The following EML3 variants were observed in gnomAD, a reference collection of about 807,000 sequenced individuals.
EML3 encodes the protein echinoderm microtubule-associated protein-like 3.
A neutral mutation model predicts 106.7 loss-of-function variants in EML3; 53 were observed. The observed-to-expected ratio is 0.50, with a 90% confidence interval of 0.40 to 0.62. The LOEUF (loss-of-function observed/expected upper bound fraction) is 0.62. EML3 is among the 20% of genes least tolerant of loss of function. EML3 has a pLI of 0.00. For synonymous variants in EML3, 499 were observed against 489.6 expected (o/e 1.02, Z -0.25); for missense variants, 994 against 1,209.1 (o/e 0.82, Z 2.64).
In EML3 at chr11:62,611,433, C is replaced by T. The variant is rs772728195; in HGVS notation, c.186G>A (p.Pro62=). ...SLQGSGTPAP[P]GDSLAAPPGL... is the part of the protein sequence containing the mutation. ...TGTGATGACATGCATACCTGTCCCC[C>T]GGAGGAGCTGGTGTGCCAGAGCCCT... The change falls in exon 2 of 22, where the codon CCG becomes CCA. Residue 62 remains proline (P), a synonymous_variant. Coordinates refer to ENST00000394773, the MANE Select transcript of EML3 (RefSeq NM_153265.3). 6.8e-6 allele frequency: 11 copies of T among 1,613,688 alleles called. No individual in the cohort carries two copies. The Admixed American group carries it at 8.3e-5, about 12-fold the overall frequency.
intron 19 of EML3, 60 bp downstream of exon 19, chr11:62,603,669 C>A (rs960452612): frequency 7.0e-7 from 1 of 1,426,660 alleles, no homozygotes; most frequent in Admixed American, 1.7e-5. Flanking sequence ...CTAACAGCCC[C>A]CCCTACACAA....
In EML3 at chr11:62,602,529, G is replaced by A. The variant is rs1284355021; in HGVS notation, c.2637C>T (p.Pro879=). The change falls in exon 22 of 22, where the codon CCC becomes CCT. Residue 879 remains proline, a synonymous_variant. Transcript: ENST00000394773. ...VLGAGGAGPA[P]ATPSRTPSLS... Reference sequence around the variant, plus strand: ...GGGAGGGGGTTCGAGAGGGCGTGGCGGGCGCCGGCCCCGCGCCCCCAGCGC... The same window carrying A: ...GGGAGGGGGTTCGAGAGGGCGTGGCAGGCGCCGGCCCCGCGCCCCCAGCGC... The A allele has an allele frequency of 2.0e-6, 3 of 1,494,052 alleles. No individual in the cohort carries two copies. Among genetic ancestry groups the A allele is most frequent in the South Asian group, 1.3e-5 (1 of 75,006 alleles). 92.5% of individuals were successfully genotyped at this position (1,494,052 alleles called of 1,614,324 possible). A position where few individuals can be genotyped will look rare whatever the true frequency, so the allele number is the denominator to read the frequency against.
chr11:62,604,255 G>C, intron 16 of EML3, 54 bp from the exon 17 acceptor site: 2 of 1,578,520 alleles, frequency 1.3e-6, no homozygotes, highest in Non-Finnish European at 1.7e-6. Flanking sequence ...AGGATGTAAG[G>C]AGACCCCCAG....
intron 11 of EML3, 86 bp from the exon 12 acceptor site, chr11:62,607,185 T>G: frequency 6.7e-7 from 1 of 1,503,606 alleles, no homozygotes; most frequent in Non-Finnish European, 9.0e-7. Flanking sequence ...CAGTGGCTCA[T>G]GCCTGTAATC....
In EML3 at chr11:62,610,956, T is replaced by G. The variant is rs1565066210; in HGVS notation, c.489A>C (p.Ser163=). The change falls in exon 4 of 22, where the codon TCA becomes TCC. Residue 163 remains serine, a synonymous_variant. Transcript: ENST00000394773. ...RRNSSSSSSP[S]ERPRQKLSRK... The stretch of plus-strand genomic sequence containing the variant: ...TGGAGAGCTTCTGCCGAGGCCGCTC[T>G]GAGGGGGATGAGGAGGAGGAAGAAT... 1.2e-6 allele frequency: 2 copies of G among 1,613,700 alleles called. No individual in the cohort carries two copies. The highest frequency in any genetic ancestry group is 1.7e-6 in the Non-Finnish European group (2 of 1,179,982).
rs1177438603 is a variant in EML3 at position 62,609,684 on chromosome 11, T to G, written c.579A>C (p.Lys193Asn). The G allele has an allele frequency of 1.3e-6, 2 of 1,598,974 alleles. No homozygotes were observed. The highest frequency in any genetic ancestry group is 1.7e-6 in the Non-Finnish European group (2 of 1,173,272). Residue 193 changes from lysine to asparagine, a missense_variant, in exon 5 of 22, where the codon AAA (lysine) becomes AAC (asparagine). Coordinates refer to ENST00000394773, the MANE Select transcript of EML3 (RefSeq NM_153265.3). ...GGCCCCCAGGGCTGGAGAGGGGGTCTTTTCCCCCACGGCTGTTGGGAAGAG... is the reference window on the plus strand; with the variant it reads ...GGCCCCCAGGGCTGGAGAGGGGGTCGTTTCCCCCACGGCTGTTGGGAAGAG... ...RSGSTESRGGKDPLSSPGGPG... is the reference protein window; with the variant it reads ...RSGSTESRGGNDPLSSPGGPG...
At chr11:62,603,381 C>T in intron 19 of EML3, 134 bp from the exon 20 acceptor site, 1 of 807,116 alleles carries the variant, frequency 1.2e-6, no homozygotes, top group East Asian at 2.6e-5. Context: ...GTAGCATCAC[C>T]TCCTCCCCCT....
At position 62,605,154 on chromosome 11, in the gene EML3, G is replaced by C. The variant is rs757273732; in HGVS notation, c.1941C>G (p.His647Gln). 1 of 1,613,030 alleles carries C rather than the reference G, an allele frequency of 6.2e-7. No homozygotes were observed. Among genetic ancestry groups the C allele is most frequent in the Non-Finnish European group, 8.5e-7 (1 of 1,179,402 alleles). The change falls in exon 16 of 22, where the codon CAC becomes CAG. Residue 647 changes from histidine (H) to glutamine (Q), a missense_variant. Coordinates refer to ENST00000394773, the MANE Select transcript of EML3 (RefSeq NM_153265.3). This position sits in a 1 kb window ranked among gnomAD's most constrained non-coding sequence, Gnocchi z 5.2. Reference sequence around the variant, plus strand: ...CTACGGCCACAACTGCCCCACTCGGGTGGAAGTCAGCACAGAGACCAGTCT... The same window carrying C: ...CTACGGCCACAACTGCCCCACTCGGCTGGAAGTCAGCACAGAGACCAGTCT... ...LKETGLCADF[H>Q]PSGAVVAVGL... is the part of the protein sequence containing the mutation.
rs1443689313 is a variant in EML3 at position 62,606,954 on chromosome 11, A to G, written c.1504+4T>C. ...CTTCCCAGATGCCCCTCCCAGCCAC[A>G]TACCTTTGGCGCCACCCCTGCCTGG... On this transcript the variant is annotated splice_donor_region_variant and intron_variant, in intron 12 of 21. Transcript: ENST00000394773. 3 of 1,613,244 alleles carry G rather than the reference A, an allele frequency of 1.9e-6. No homozygotes were observed. The highest frequency in any genetic ancestry group is 2.2e-5 in the South Asian group (2 of 91,022).
At chr11:62,612,362 G>A in intron 1 of EML3, 74 bp downstream of exon 1, 1 of 1,442,894 alleles carries the variant, frequency 6.9e-7, no homozygotes, top group South Asian at 1.2e-5. Context: ...CCAGACAGCC[G>A]TCCAGCTCTG....
chr11:62,607,320 A>G (rs1293057864), intron 11 of EML3: 3 of 471,530 alleles, frequency 6.4e-6, no homozygotes, highest in African/African-American at 5.9e-5. Flanking sequence ...CACTGTCTCA[A>G]AAACAAAAAA....
intron 12 of EML3, chr11:62,606,522 A>G: frequency 2.3e-6 from 1 of 432,376 alleles, no homozygotes; most frequent in East Asian, 4.2e-5. Context: ...ACACGCTTCT[A>G]GACTAGCCCC....
At position 62,602,879 on chromosome 11, in the gene EML3, C is replaced by G. The variant is rs1565051685; in HGVS notation, c.2367G>C (p.Pro789=). Reference sequence around the variant, plus strand: ...TGATGTCGGTCCCATCGGAGCCGTCCGGCCAGACGCCTAGCACAGCGGCCG... The same window carrying G: ...TGATGTCGGTCCCATCGGAGCCGTCGGGCCAGACGCCTAGCACAGCGGCCG... The part of the protein sequence containing the change: ...VLGFHVYGVW[P]DGSDGTDINS... Residue 789 remains proline, a synonymous_variant, in exon 21 of 22, where the codon CCG becomes CCC. Transcript: ENST00000394773. 2.5e-6 allele frequency: 4 copies of G among 1,573,972 alleles called. No homozygotes were observed. Among genetic ancestry groups the G allele is most frequent in the Non-Finnish European group, 3.5e-6 (4 of 1,159,376 alleles).
chr11:62,609,862 C>G (rs1942725754), intron 4 of EML3, among the ~76,000 whole-genome samples, 166 bp from the exon 5 acceptor site: 1 of 152,192 alleles, frequency 6.6e-6, no homozygotes, highest in Non-Finnish European at 1.5e-5. Flanking sequence ...ACTTCTAGTT[C>G]CATTTAAGAG....
chr11:62,603,818 TG>T lies in EML3; in HGVS notation c.2170-3del. On this transcript the variant is annotated splice_region_variant and splice_polypyrimidine_tract_variant and intron_variant, in intron 18 of 21. Coordinates refer to ENST00000394773, the MANE Select transcript of EML3 (RefSeq NM_153265.3). ...ATGAGTGATGAAGCTGGAGTGACCC[TG>T]GGAGCAAAGGTCAAGAGTTTTAAAG... 1 of 1,614,140 alleles carries T rather than the reference TG, an allele frequency of 6.2e-7. No homozygotes were observed. The highest frequency in any genetic ancestry group is 8.5e-7 in the Non-Finnish European group (1 of 1,179,982).
chr11:62,605,100 G>A lies in EML3; in HGVS notation c.1982+13C>T. 6.2e-7 allele frequency: 1 copy of A among 1,609,596 alleles called. No homozygotes were observed. Among genetic ancestry groups the A allele is most frequent in the South Asian group, 1.1e-5 (1 of 90,598 alleles). The stretch of plus-strand genomic sequence containing the variant: ...CCCTGCTTTCCCTCCTGGGAGTCCT[G>A]GCTCTCTCTCACCTCCCCGTGTTCA... On this transcript the variant is annotated intron_variant, in intron 16 of 21. Coordinates refer to ENST00000394773, the MANE Select transcript of EML3 (RefSeq NM_153265.3). The surrounding 1 kb of genome is among the most constrained non-coding windows in gnomAD (Gnocchi z 5.2).
At position 62,610,992 on chromosome 11, in the gene EML3, C is replaced by G. The variant is rs748985666; in HGVS notation, c.453G>C (p.Thr151=). The G allele has an allele frequency of 1.9e-6, 3 of 1,613,006 alleles. No homozygotes were observed. The highest frequency in any genetic ancestry group is 2.5e-6 in the Non-Finnish European group (3 of 1,179,818). ...AGGAGGAGGAAGAATTTCTTCGCGG[C>G]CTGGTGGGGGCATAGTGAAGGTCAT... ...RPLQPPQRAD[T]PRRNSSSSSS... The change falls in exon 4 of 22, where the codon ACG becomes ACC. Residue 151 remains threonine, a splice_region_variant and synonymous_variant. Coordinates refer to ENST00000394773, the MANE Select transcript of EML3 (RefSeq NM_153265.3).
Position 62,605,153 on chromosome 11 carries a change from G to C in EML3, c.1942C>G (p.Pro648Ala). The stretch of plus-strand genomic sequence containing the variant: ...CCTACGGCCACAACTGCCCCACTCG[G>C]GTGGAAGTCAGCACAGAGACCAGTC... ...KETGLCADFH[P>A]SGAVVAVGLN... The change falls in exon 16 of 22, where the codon CCG becomes GCG. Residue 648 changes from proline to alanine, a missense_variant. Transcript: ENST00000394773. The surrounding 1 kb of genome is among the most constrained non-coding windows in gnomAD (Gnocchi z 5.2). The C allele has an allele frequency of 2.5e-6, 4 of 1,613,040 alleles. No individual in the cohort carries two copies. The highest frequency in any genetic ancestry group is 3.4e-6 in the Non-Finnish European group (4 of 1,179,416).
At chr11:62,611,051 C>T in intron 3 of EML3, 36 bp downstream of exon 3, 2 of 1,603,936 alleles carry the variant, frequency 1.2e-6, no homozygotes, top group Non-Finnish European at 1.7e-6. Context: ...CCTACCACCC[C>T]TCCCAGCTTC....
Sources: allele counts gnomAD v4.1 joint callset (sites outside exome capture counted in the v4.1 genomes callset), GRCh38; gene constraint gnomAD v4.1.1; non-coding constraint Gnocchi (gnomAD v3.1); transcripts MANE v1.5; gene names NCBI Gene and HGNC (gene_info 2026-07-23, HGNC 2026-07-21).